Variants in MTUS2 observed in about 807,000 individuals in gnomAD.
MTUS2 encodes the protein microtubule associated scaffold protein 2.
MTUS2 carries 40 observed loss-of-function variants against 114.1 expected under a neutral mutation model. The observed-to-expected ratio is 0.35, with a 90% confidence interval of 0.27 to 0.46. The LOEUF is 0.46. Among genes scored for constraint, MTUS2 ranks in the 20% least tolerant of loss-of-function variants. The probability of loss-of-function intolerance (pLI) is 1.00; values close to 1 mark genes in which losing one functional copy is unlikely to be tolerated. For synonymous variants in MTUS2, 688 were observed against 672.0 expected (o/e 1.02, Z -0.37); for missense variants, 1,679 against 1,705.4 (o/e 0.98, Z 0.27).
chr13:29,215,478 T>G (rs74462768), intron 5 of MTUS2, among the ~76,000 whole-genome samples: 4 of 8,726 alleles, frequency 4.6e-4, no homozygotes, highest in East Asian at 9.1e-3. Context: ...TTTGCTGTTT[T>G]TTTTTTTTTT....
At chr13:29,010,929 G>A (rs1306331455) in intron 2 of MTUS2, among the ~76,000 whole-genome samples, 1 of 152,084 alleles carries the variant, frequency 6.6e-6, no homozygotes, top group African/African-American at 2.4e-5. Flanking sequence ...CCTGGGAGAG[G>A]TGCCCCTGGA....
intron 2 of MTUS2, among the ~76,000 whole-genome samples, chr13:28,985,179 A>AT (rs1884525562): frequency 6.6e-6 from 1 of 152,264 alleles, no homozygotes; most frequent in African/African-American, 2.4e-5. Flanking sequence ...ATATATGGAC[A>AT]TTCCCAGATA....
At chr13:29,258,500 G>A (rs542467451) in intron 5 of MTUS2, among the ~76,000 whole-genome samples, 52 of 152,330 alleles carry the variant, frequency 3.4e-4, no homozygotes, top group Non-Finnish European at 5.6e-4. Flanking sequence ...CATATCCACA[G>A]TCTTGGATTC....
At chr13:29,295,743 C>T (rs560777924) in intron 6 of MTUS2, among the ~76,000 whole-genome samples, 2 of 152,282 alleles carry the variant, frequency 1.3e-5, no homozygotes, top group South Asian at 2.1e-4. Flanking sequence ...AACAGTTCCC[C>T]ATGGCTGGGG....
intron 4 of MTUS2, among the ~76,000 whole-genome samples, chr13:29,097,429 A>G (rs2138805401): frequency 6.6e-6 from 1 of 152,288 alleles, no homozygotes; most frequent in South Asian, 2.1e-4. Context: ...GCTTTCCTGT[A>G]ATATTTATAG....
chr13:29,298,791 T>G (rs1443086529), intron 6 of MTUS2, among the ~76,000 whole-genome samples: 1 of 152,224 alleles, frequency 6.6e-6, no homozygotes, highest in African/African-American at 2.4e-5. Context: ...TATTTTCCAG[T>G]AATGAAAGAA....
chr13:28,826,388 A>G (rs1874272352), intron 1 of MTUS2, among the ~76,000 whole-genome samples: 1 of 152,218 alleles, frequency 6.6e-6, no homozygotes, highest in African/African-American at 2.4e-5. Context: ...TTTTAAAAAC[A>G]AGATTATTGT....
At chr13:29,267,214 T>C (rs1472534768) in intron 5 of MTUS2, among the ~76,000 whole-genome samples, 1 of 152,220 alleles carries the variant, frequency 6.6e-6, no homozygotes, top group East Asian at 1.9e-4. Flanking sequence ...ATGATTCTGA[T>C]GCTTTGTTTC....
At chr13:28,858,906 C>T (rs1422302781) in intron 2 of MTUS2, among the ~76,000 whole-genome samples, 2 of 152,146 alleles carry the variant, frequency 1.3e-5, no homozygotes, top group Non-Finnish European at 2.9e-5. Context: ...CTGTCAGTTC[C>T]TTCTCCAGTG....
intron 6 of MTUS2, among the ~76,000 whole-genome samples, chr13:29,322,796 T>C (rs1161018209): frequency 6.6e-6 from 1 of 152,100 alleles, no homozygotes; most frequent in African/African-American, 2.4e-5. Flanking sequence ...CATGGCATGT[T>C]TGGGGACCAA....
At chr13:28,977,382 A>G (rs541340202) in intron 2 of MTUS2, among the ~76,000 whole-genome samples, 1 of 152,354 alleles carries the variant, frequency 6.6e-6, no homozygotes, top group African/African-American at 2.4e-5. Context: ...AGAACTCAGC[A>G]GTTATAATCA....
chr13:29,450,583 C>T (rs948849780), intron 9 of MTUS2, among the ~76,000 whole-genome samples: 6 of 152,054 alleles, frequency 3.9e-5, no homozygotes, highest in African/African-American at 9.7e-5. Flanking sequence ...AAAGAATGTA[C>T]GTTTTCTGAT....
intron 5 of MTUS2, among the ~76,000 whole-genome samples, chr13:29,189,732 C>T (rs867433605): frequency 2.0e-5 from 3 of 152,066 alleles, no homozygotes; most frequent in Non-Finnish European, 4.4e-5. Flanking sequence ...CTGAGGTGGA[C>T]TTTAAGAAGT....
intron 9 of MTUS2, among the ~76,000 whole-genome samples, chr13:29,441,578 C>A (rs1810812107): frequency 6.6e-6 from 1 of 152,298 alleles, no homozygotes; most frequent in African/African-American, 2.4e-5. Flanking sequence ...TCCAGATGCC[C>A]ACATCTGGCC....
chr13:29,234,545 A>T (rs1896458673), intron 5 of MTUS2, among the ~76,000 whole-genome samples: 1 of 152,182 alleles, frequency 6.6e-6, no homozygotes, highest in Admixed American at 6.5e-5. Flanking sequence ...ATTTTGATGG[A>T]AAGCCTGAAA....
At position 29,493,720 on chromosome 13, in the gene MTUS2, C is replaced by T. The variant is rs115929366; in HGVS notation, c.3579+1001C>T. On this transcript the variant is annotated intron_variant, in intron 12 of 15. Coordinates refer to ENST00000612955, the MANE Select transcript of MTUS2 (RefSeq NM_001033602.4). ...CCAATGAACCCCAGACTGCCTTCCT[C>T]GTATACACATCCTGCACCAATAGTT... 1.8e-3 allele frequency among the ~76,000 whole-genome samples: 280 copies of T among 152,308 alleles called. 1 individual carries two copies. The highest frequency in any genetic ancestry group is 6.5e-3 in the African/African-American group (270 of 41,562).
At chr13:28,939,333 G>C (rs989791358) in intron 2 of MTUS2, among the ~76,000 whole-genome samples, 1 of 152,076 alleles carries the variant, frequency 6.6e-6, no homozygotes, top group Non-Finnish European at 1.5e-5. Flanking sequence ...TAAAGACTAG[G>C]GGCATTTTTA....
At chr13:29,134,960 C>T (rs549051308) in intron 5 of MTUS2, among the ~76,000 whole-genome samples, 11 of 152,314 alleles carry the variant, frequency 7.2e-5, no homozygotes, top group South Asian at 2.1e-4. Context: ...GCCCCTTTAT[C>T]CATGATTTTG....
At position 29,036,008 on chromosome 13, in the gene MTUS2, G is replaced by C. The variant is rs908468646; in HGVS notation, c.2446+1883G>C. Among the ~76,000 whole-genome samples the C allele has an allele frequency of 7.2e-4, 109 of 151,722 alleles. 1 individual carries two copies. Among genetic ancestry groups the C allele is most frequent in the Non-Finnish European group, 1.8e-4 (12 of 67,932 alleles). On this transcript the variant is annotated intron_variant, in intron 4 of 15. Transcript: ENST00000612955. ...AAAATACAAAAATTAGCTGGACTTGGGGGTGTGTGCCTGTAATCCCAGCTA... is the reference window on the plus strand; with the variant it reads ...AAAATACAAAAATTAGCTGGACTTGCGGGTGTGTGCCTGTAATCCCAGCTA...
Sources: allele counts gnomAD v4.1 joint callset (sites outside exome capture counted in the v4.1 genomes callset), GRCh38; gene constraint gnomAD v4.1.1; transcripts MANE v1.5; gene names NCBI Gene and HGNC (gene_info 2026-07-23, HGNC 2026-07-21).